Variants in PKNOX2 observed in about 807,000 individuals in gnomAD.
PKNOX2 encodes homeobox protein PKNOX2.
Under a neutral mutation model 53.1 loss-of-function variants are expected in PKNOX2, and 14 were observed. The ratio of observed to expected loss-of-function variants is 0.26; its 90% CI spans 0.17 to 0.41. PKNOX2 has a LOEUF of 0.41. Among genes scored for constraint, PKNOX2 ranks in the 10% least tolerant of loss-of-function variants. PKNOX2 has a pLI of 1.00. For synonymous variants in PKNOX2, 257 were observed against 242.8 expected, an observed-to-expected ratio of 1.06 and a Z score of -0.54; for missense variants, 496 against 602.8, an observed-to-expected ratio of 0.82 and a Z score of 1.85.
chr11:125,214,766 C>T (rs1345613463), intron 1 of PKNOX2, among the ~76,000 whole-genome samples: 3 of 152,054 alleles, frequency 2.0e-5, no homozygotes, highest in African/African-American at 4.8e-5. Flanking sequence ...CCCTCTCCAC[C>T]CTCCTCTTTT....
intron 4 of PKNOX2, among the ~76,000 whole-genome samples, chr11:125,361,668 C>CT (rs1203890923): frequency 6.6e-6 from 1 of 152,172 alleles, no homozygotes; most frequent in Non-Finnish European, 1.5e-5. Context: ...CCCATTAACT[C>CT]ATCATTTACA....
At chr11:125,207,777 G>T (rs1257770317) in intron 1 of PKNOX2, among the ~76,000 whole-genome samples, 1 of 152,028 alleles carries the variant, frequency 6.6e-6, no homozygotes, top group African/African-American at 2.4e-5. Flanking sequence ...ATGGGAATAA[G>T]CATGTCGGGG....
chr11:125,254,047 G>T (rs1266265792), intron 2 of PKNOX2, among the ~76,000 whole-genome samples: 1 of 152,104 alleles, frequency 6.6e-6, no homozygotes, highest in East Asian at 1.9e-4. Flanking sequence ...GCTTCCTCCA[G>T]CTCCTAGGGA....
chr11:125,235,760 C>T (rs1272500897), intron 2 of PKNOX2, among the ~76,000 whole-genome samples: 3 of 152,194 alleles, frequency 2.0e-5, no homozygotes, highest in Non-Finnish European at 4.4e-5. Context: ...AATTCCGCAG[C>T]ATTCACACAC....
At chr11:125,305,906 T>C (rs1343669073) in intron 2 of PKNOX2, among the ~76,000 whole-genome samples, 1 of 152,216 alleles carries the variant, frequency 6.6e-6, no homozygotes, top group Non-Finnish European at 1.5e-5. Context: ...AGATCGTTAT[T>C]TTTGAGCAAG....
intron 1 of PKNOX2, among the ~76,000 whole-genome samples, chr11:125,185,766 A>G (rs1956413497): frequency 6.6e-6 from 1 of 152,200 alleles, no homozygotes; most frequent in South Asian, 2.1e-4. Context: ...GTTTATAGAC[A>G]TGTGGGTTGT....
chr11:125,172,872 C>T (rs956827186), intron 1 of PKNOX2, among the ~76,000 whole-genome samples: 2 of 152,196 alleles, frequency 1.3e-5, no homozygotes, highest in Non-Finnish European at 2.9e-5. Flanking sequence ...TTCTGATGGC[C>T]TGCCTGGGAC....
intron 2 of PKNOX2, among the ~76,000 whole-genome samples, chr11:125,292,554 A>G (rs1591515519): frequency 6.6e-6 from 1 of 152,158 alleles, no homozygotes; most frequent in Non-Finnish European, 1.5e-5. Context: ...TTTCCTTCAA[A>G]GTCAAGATCC....
chr11:125,351,157 G>A (rs1951285799), intron 3 of PKNOX2, 127 bp from the exon 4 acceptor site: 1 of 697,626 alleles, frequency 1.4e-6, no homozygotes, highest in Non-Finnish European at 2.7e-6. Flanking sequence ...TGCCCTGAAG[G>A]GCGTGCAACC....
chr11:125,216,437 G>T (rs1040051456), intron 1 of PKNOX2, among the ~76,000 whole-genome samples: 3 of 152,226 alleles, frequency 2.0e-5, no homozygotes, highest in African/African-American at 7.2e-5. Context: ...GTCCTGGTAG[G>T]GGGGTGAGTC....
chr11:125,340,815 G>T (rs956765106), intron 3 of PKNOX2, among the ~76,000 whole-genome samples: 2 of 152,080 alleles, frequency 1.3e-5, no homozygotes, highest in African/African-American at 4.8e-5. Context: ...ACTTTGGGAG[G>T]CCGAAGTGGG....
At chr11:125,286,681 T>C (rs1946922416) in intron 2 of PKNOX2, among the ~76,000 whole-genome samples, 1 of 152,210 alleles carries the variant, frequency 6.6e-6, no homozygotes, top group Non-Finnish European at 1.5e-5. Flanking sequence ...GGCGGAGCAA[T>C]GGCCAAAGCT....
At chr11:125,190,359 A>G (rs1044556909) in intron 1 of PKNOX2, among the ~76,000 whole-genome samples, 1 of 152,176 alleles carries the variant, frequency 6.6e-6, no homozygotes, top group African/African-American at 2.4e-5. Flanking sequence ...CCACTAGCCT[A>G]GCTGAGATGC....
At chr11:125,171,291 G>A (rs905134288) in intron 1 of PKNOX2, among the ~76,000 whole-genome samples, 19 of 152,128 alleles carry the variant, frequency 1.2e-4, no homozygotes, top group African/African-American at 4.3e-4. Flanking sequence ...CATCTTCTGT[G>A]TCCCCGGCAC....
chr11:125,243,653 C>T (rs10790730), intron 2 of PKNOX2, among the ~76,000 whole-genome samples: 35,271 of 148,906 alleles, frequency 0.24, 5,277 homozygotes, highest in Non-Finnish European at 0.33. Flanking sequence ...GATAGGGTCT[C>T]GCTCTGTCGC....
Position 125,387,435 on chromosome 11 carries a change from C to A in PKNOX2, c.399+1713C>A, listed in dbSNP as rs7925134. Among the ~76,000 whole-genome samples, 561 of 152,294 alleles carry A rather than the reference C, an allele frequency of 3.7e-3. 6 individuals are homozygous for A. The highest frequency in any genetic ancestry group is 0.013 in the African/African-American group (530 of 41,556). On this transcript the variant is annotated intron_variant, in intron 6 of 12. Coordinates refer to ENST00000298282, the MANE Select transcript of PKNOX2 (RefSeq NM_001382323.2). ...ATTTCTCATGCCCTGCCCACCACCA[C>A]CTGCCAGGTGAGCTCTGGAGACCCA... is the stretch of plus-strand genomic sequence containing the variant.
intron 6 of PKNOX2, among the ~76,000 whole-genome samples, chr11:125,389,546 G>A (rs868604706): frequency 2.0e-5 from 3 of 152,056 alleles, no homozygotes; most frequent in African/African-American, 7.2e-5. Flanking sequence ...TCCCATAGCC[G>A]CAGGGGCTCA....
rs894441463 is a variant in PKNOX2, at chr11:125,232,605, C to T, written c.-200-2440C>T. On this transcript the variant is annotated intron_variant, in intron 1 of 12. Transcript: ENST00000298282. Reference sequence around the variant, plus strand: ...TTTAACCACTAGACATCTTCTCTCTCCTCTCTTTTCTATTCATCATTGTCG... The same window carrying T: ...TTTAACCACTAGACATCTTCTCTCTTCTCTCTTTTCTATTCATCATTGTCG... 6.6e-5 allele frequency among the ~76,000 whole-genome samples: 10 copies of T among 152,332 alleles called. No individual in the cohort carries two copies. The East Asian group carries it at 1.5e-3, about 23-fold the overall frequency.
At chr11:125,192,766 G>T (rs1956956194) in intron 1 of PKNOX2, among the ~76,000 whole-genome samples, 1 of 152,202 alleles carries the variant, frequency 6.6e-6, no homozygotes, top group Non-Finnish European at 1.5e-5. Flanking sequence ...TGTTTCAGAG[G>T]CCACAGGGAG....
Sources: allele counts gnomAD v4.1 joint callset (sites outside exome capture counted in the v4.1 genomes callset), GRCh38; gene constraint gnomAD v4.1.1; transcripts MANE v1.5; gene names NCBI Gene and HGNC (gene_info 2026-07-23, HGNC 2026-07-21).